Variants in PALB2 observed in about 807,000 individuals in gnomAD.
PALB2 encodes the protein partner and localizer of BRCA2.
A neutral mutation model predicts 107.4 loss-of-function variants in PALB2; 82 were observed. That is an observed-to-expected ratio of 0.76 (90% CI 0.64 to 0.92). PALB2 has a LOEUF of 0.92. Ranked by LOEUF, PALB2 falls within the 40% of genes least tolerant of loss-of-function variation. The probability of loss-of-function intolerance (pLI) is 0.00; values close to 1 mark genes in which losing one functional copy is unlikely to be tolerated. For synonymous variants in PALB2, 489 were observed against 496.8 expected (o/e 0.98, Z 0.21); for missense variants, 1,374 against 1,379.9 (o/e 1.00, Z 0.07).
chr16:23,639,076 A>G lies in PALB2; in HGVS notation c.49-947T>C, dbSNP rs540227103. On this transcript the variant is annotated intron_variant, in intron 1 of 12. Coordinates refer to ENST00000261584, the MANE Select transcript of PALB2 (RefSeq NM_024675.4). ...TCAAATTACTGTTCTCTGAAAGCCT[A>G]GATTCCCTCGTCTCTCTGGCTTCTT... 2.7e-4 allele frequency among the ~76,000 whole-genome samples: 41 copies of G among 152,336 alleles called. 1 individual carries two copies. In the South Asian group the frequency reaches 8.5e-3, roughly 32 times the overall value.
chr16:23,638,607 G>A (rs566726077), intron 1 of PALB2: 68 of 454,204 alleles, frequency 1.5e-4, no homozygotes, highest in African/African-American at 1.2e-3. Flanking sequence ...AATAATAATT[G>A]ATACCCACTA....
chr16:23,635,003 T>G lies in PALB2; in HGVS notation c.1543A>C (p.Lys515Gln), dbSNP rs1188755325. ...AQAPGRRYTG[K>Q]RKSACTPASD... ...GCTGGGGTGCAGGCTGATTTTCTTT[T>G]TCCTGTGTATCTTCTACCAGGTGCT... is the stretch of plus-strand genomic sequence containing the variant. The change falls in exon 4 of 13, where the codon AAA becomes CAA. Residue 515 changes from lysine (K) to glutamine (Q), a missense_variant. By Grantham distance (53) the Lys-to-Gln change is moderately conservative (BLOSUM62 1). Transcript: ENST00000261584. The G allele has an allele frequency of 6.2e-7, 1 of 1,614,182 alleles. No individual in the cohort carries two copies. Among genetic ancestry groups the G allele is most frequent in the East Asian group, 2.2e-5 (1 of 44,876 alleles).
rs1431901545 is a variant in PALB2 at position 23,623,187 on chromosome 16, A to AG, written c.2835-58dup. The AG allele has an allele frequency of 1.5e-5, 21 of 1,388,684 alleles. No homozygotes were observed. The Admixed American group carries it at 2.6e-4, about 17-fold the overall frequency. The allele number at this position is 1,388,684 out of a possible 1,614,324, so 86.0% of individuals were successfully genotyped here. On this transcript the variant is annotated intron_variant, in intron 8 of 12. Coordinates refer to ENST00000261584, the MANE Select transcript of PALB2 (RefSeq NM_024675.4). ...GTGAGGAGTAACCTTTTAATATTAA[A>AG]GGACTAGGTTCACTTTTTTTTTTTT... is the stretch of plus-strand genomic sequence containing the variant.
chr16:23,632,182 C>A (rs1462617501), intron 4 of PALB2, among the ~76,000 whole-genome samples: 1 of 152,192 alleles, frequency 6.6e-6, no homozygotes, highest in Non-Finnish European at 1.5e-5. Context: ...GTGGCTCACA[C>A]CTATAATCCC....
chr16:23,614,869 C>A (rs1484101051), intron 10 of PALB2, among the ~76,000 whole-genome samples: 5 of 150,364 alleles, frequency 3.3e-5, no homozygotes, highest in African/African-American at 7.3e-5. Context: ...CCGGGATGGT[C>A]TTGATCTCCT....
At chr16:23,639,693 G>A (rs1268286851) in intron 1 of PALB2, among the ~76,000 whole-genome samples, 1 of 151,350 alleles carries the variant, frequency 6.6e-6, no homozygotes, top group Non-Finnish European at 1.5e-5. Context: ...GGTGTTGGGC[G>A]TCTGTAATCC....
At chr16:23,638,839 AG>A (rs975677717) in intron 1 of PALB2, among the ~76,000 whole-genome samples, 7 of 152,148 alleles carry the variant, frequency 4.6e-5, no homozygotes, top group African/African-American at 1.7e-4. Flanking sequence ...AGACTGAATG[AG>A]GAAGGAGCTA....
chr16:23,603,581 A>G lies in PALB2; in HGVS notation c.3439T>C (p.Cys1147Arg), dbSNP rs1433737234. Reference sequence around the variant, plus strand: ...GAGACAGGTGGGAGGAGGGCAGTACACTGACCGAGAAGTAAGTCCCAAATG... The same window carrying G: ...GAGACAGGTGGGAGGAGGGCAGTACGCTGACCGAGAAGTAAGTCCCAAATG... Reference protein sequence around the residue: ...IAIWDLLLGQCTALLPPVSDQ... With the variant: ...IAIWDLLLGQRTALLPPVSDQ... The change falls in exon 13 of 13, where the codon TGT becomes CGT. Residue 1147 changes from cysteine (C) to arginine (R), a missense_variant. By Grantham distance (180) the Cys-to-Arg change is radical. Coordinates refer to ENST00000261584, the MANE Select transcript of PALB2 (RefSeq NM_024675.4). The G allele has an allele frequency of 6.2e-7, 1 of 1,614,186 alleles. No individual in the cohort carries two copies. Among genetic ancestry groups the G allele is most frequent in the Non-Finnish European group, 8.5e-7 (1 of 1,180,030 alleles).
In PALB2 at chr16:23,641,127, A is replaced by T; in HGVS notation, c.31T>A (p.Cys11Ser). The T allele has an allele frequency of 1.2e-6, 2 of 1,613,508 alleles. No individual in the cohort carries two copies. The highest frequency in any genetic ancestry group is 2.7e-5 in the African/African-American group (2 of 74,988). Residue 11 changes from cysteine to serine, a missense_variant, in exon 1 of 13, where the codon TGT (cysteine) becomes AGT (serine). Physicochemically the swap from Cys to Ser is moderately radical, Grantham distance 112 (BLOSUM62 -1). Coordinates refer to ENST00000261584, the MANE Select transcript of PALB2 (RefSeq NM_024675.4). MDEPPGKPLS[C>S]EEKEKLKEKL... is the part of the protein sequence containing the mutation. Reference sequence around the variant, plus strand: ...CCCGGCACCTTTTCCTTCTCCTCACAGCTGAGGGGCTTCCCGGGAGGCTCG... The same window carrying T: ...CCCGGCACCTTTTCCTTCTCCTCACTGCTGAGGGGCTTCCCGGGAGGCTCG...
At position 23,629,867 on chromosome 16, in the gene PALB2, A is replaced by G. The variant is rs2142376414; in HGVS notation, c.2287T>C (p.Leu763=). ...RTCCTPQLAH[L]KDSVCLASDT... ...CTGGCAAGACAGACTGAGTCTTTCA[A>G]ATGAGCAAGTTGGGGTGTGCAGCAA... Residue 763 remains leucine (L), a synonymous_variant, in exon 5 of 13, where the codon TTG becomes CTG. Coordinates refer to ENST00000261584, the MANE Select transcript of PALB2 (RefSeq NM_024675.4). 1 of 1,614,152 alleles carries G rather than the reference A, an allele frequency of 6.2e-7. No individual in the cohort carries two copies. Among genetic ancestry groups the G allele is most frequent in the Non-Finnish European group, 8.5e-7 (1 of 1,180,018 alleles).
At chr16:23,621,173 G>A (rs948837377) in intron 10 of PALB2, among the ~76,000 whole-genome samples, 189 bp downstream of exon 10, 9 of 152,316 alleles carry the variant, frequency 5.9e-5, no homozygotes, top group Middle Eastern at 3.4e-3. Flanking sequence ...TCATACCACT[G>A]TACTCCCACC....
rs2142354728 is a variant in PALB2, at chr16:23,626,318, G to A, written c.2666C>T (p.Thr889Ile). ...RAGCKEPCIITACEDVVSLWK... is the reference protein window; with the variant it reads ...RAGCKEPCIIIACEDVVSLWK... ...AAGAGAAACTACATCTTCGCAAGCA[G>A]TTATGATACATGGCTCTTTACAACC... Residue 889 changes from threonine to isoleucine, a missense_variant, in exon 7 of 13, where the codon ACT (threonine) becomes ATT (isoleucine). Physicochemically the swap from Thr to Ile is moderately conservative, Grantham distance 89. Transcript: ENST00000261584. The A allele has an allele frequency of 6.2e-7, 1 of 1,614,216 alleles. No homozygotes were observed. The highest frequency in any genetic ancestry group is 8.5e-7 in the Non-Finnish European group (1 of 1,180,040).
chr16:23,613,700 G>C (rs1966628378), intron 11 of PALB2, among the ~76,000 whole-genome samples: 1 of 151,720 alleles, frequency 6.6e-6, no homozygotes, highest in African/African-American at 2.4e-5. Context: ...TCCTTCCTAA[G>C]GCTACTTAAA....
At chr16:23,623,349 C>T (rs772035926) in intron 8 of PALB2, among the ~76,000 whole-genome samples, 57 of 151,028 alleles carry the variant, frequency 3.8e-4, no homozygotes, top group Non-Finnish European at 6.3e-4. Context: ...ATTATAGGTG[C>T]GCACCACCAC....
chr16:23,617,214 G>A (rs1966699863), intron 10 of PALB2, among the ~76,000 whole-genome samples: 1 of 152,100 alleles, frequency 6.6e-6, no homozygotes, highest in Non-Finnish European at 1.5e-5. Context: ...CAAATCAGGA[G>A]TTAAATAAGA....
chr16:23,607,907 C>G lies in PALB2; in HGVS notation c.3307G>C (p.Val1103Leu), dbSNP rs201657283. 5.1e-5 allele frequency: 82 copies of G among 1,614,010 alleles called. No homozygotes were observed. Among genetic ancestry groups the G allele is most frequent in the African/African-American group, 9.3e-5 (7 of 74,914 alleles). ...GGAAGACAGTACAGCATCACACCCA[C>G]GCTGAGAGTCGTCTTAGGGTTAATC... ...IVINPKTTLS[V>L]GVMLYCLPPG... Residue 1103 changes from valine to leucine, a missense_variant, in exon 12 of 13, where the codon GTG (valine) becomes CTG (leucine). By Grantham distance (32) the Val-to-Leu change is conservative (BLOSUM62 1). Transcript: ENST00000261584.
At chr16:23,608,065 G>GA in intron 11 of PALB2, 53 bp from the exon 12 acceptor site, 6 of 1,568,048 alleles carry the variant, frequency 3.8e-6, no homozygotes, top group Non-Finnish European at 5.3e-6. Flanking sequence ...AGTATGTCAG[G>GA]AAAAATAAAG....
chr16:23,623,891 T>C (rs1966820557), intron 8 of PALB2, 118 bp downstream of exon 8: 2 of 713,476 alleles, frequency 2.8e-6, no homozygotes, highest in Non-Finnish European at 2.5e-6. Flanking sequence ...CAAATCTCTC[T>C]CTCTTTAGAT....
Position 23,636,183 on chromosome 16 carries a change from T to A in PALB2, c.363A>T (p.Thr121=). ...GGGGAAAATGTTCTTGGGTGTCATC[T>A]GTTCTTTGTATAGGTAATCCTCCTG... ...DGPGGLPIQR[T]DDTQEHFPHR... Residue 121 remains threonine (T), a synonymous_variant, in exon 4 of 13, where the codon ACA becomes ACT. Transcript: ENST00000261584. 1 of 1,613,030 alleles carries A rather than the reference T, an allele frequency of 6.2e-7. No homozygotes were observed. The highest frequency in any genetic ancestry group is 1.1e-5 in the South Asian group (1 of 90,790).
Sources: gnomAD v4.1 joint callset for allele counts (sites outside exome capture counted in the v4.1 genomes callset) on GRCh38, gnomAD v4.1.1 for gene constraint, MANE v1.5 for transcripts, NCBI Gene and HGNC (gene_info 2026-07-23, HGNC 2026-07-21) for gene names.